The following SCLY variants were observed in gnomAD, a reference collection of about 807,000 sequenced individuals.
SCLY encodes putative selenocysteine lyase.
SCLY carries 38 observed loss-of-function variants against 50.1 expected under a neutral mutation model. That is an observed-to-expected ratio of 0.76 (90% CI 0.59 to 0.99). The LOEUF (loss-of-function observed/expected upper bound fraction) is 0.99. SCLY is among the 50% of genes least tolerant of loss of function. SCLY has a pLI of 0.00. For missense variants in SCLY, 600 were observed against 620.0 expected, an observed-to-expected ratio of 0.97 and a Z score of 0.34; for synonymous variants, 243 against 249.4, an observed-to-expected ratio of 0.97 and a Z score of 0.24.
Position 238,067,413 on chromosome 2 carries a change from T to G in SCLY, c.203-652T>G, listed in dbSNP as rs2065080728. On this transcript the variant is annotated intron_variant, in intron 2 of 11. Transcript: ENST00000254663. This position sits in a 1 kb window ranked among gnomAD's most constrained non-coding sequence, Gnocchi z 4.3. ...CAAAAAAGTTTGGGGACTCCTGGTG[T>G]GTACACTAAGAATGGTCACTGAAAC... Among the ~76,000 whole-genome samples the G allele has an allele frequency of 6.6e-6, 1 of 152,268 alleles. No individual in the cohort carries two copies. The highest frequency in any genetic ancestry group is 2.4e-5 in the African/African-American group (1 of 41,482).
At chr2:238,065,821 C>T (rs930802065) in intron 2 of SCLY, among the ~76,000 whole-genome samples, 3 of 151,936 alleles carry the variant, frequency 2.0e-5, no homozygotes, top group African/African-American at 2.4e-5. Context: ...ACTAGAGGCA[C>T]GCGCCACCAT....
intron 4 of SCLY, among the ~76,000 whole-genome samples, chr2:238,074,749 G>A (rs962644035): frequency 6.6e-6 from 1 of 152,208 alleles, no homozygotes; most frequent in African/African-American, 2.4e-5. Flanking sequence ...CTCTCAAAGT[G>A]CTGGGATTAT....
At chr2:238,082,286 C>A in intron 6 of SCLY, 77 bp downstream of exon 6, 1 of 1,401,044 alleles carries the variant, frequency 7.1e-7, no homozygotes, top group Non-Finnish European at 9.7e-7. Context: ...GGTCCGTAAG[C>A]CTCACTGCCC....
chr2:238,098,415 C>T lies in SCLY; in HGVS notation c.*60C>T, dbSNP rs1233975099. 20 of 1,479,722 alleles carry T rather than the reference C, an allele frequency of 1.4e-5. No homozygotes were observed. The highest frequency in any genetic ancestry group is 2.0e-5 in the Admixed American group (1 of 49,112). 91.7% of individuals were successfully genotyped at this position (1,479,722 alleles called of 1,614,324 possible). A position where few individuals can be genotyped will look rare whatever the true frequency, so the allele number is the denominator to read the frequency against. ...AGCCCGTGGCAGGGCACAGGGTTGT[C>T]CCTCCAGTTCCCTCCTGAGGGCTGT... On this transcript the variant is annotated 3_prime_UTR_variant, in exon 12 of 12. Transcript: ENST00000254663.
chr2:238,090,597 C>T (rs1040059946), intron 7 of SCLY, among the ~76,000 whole-genome samples: 1 of 152,176 alleles, frequency 6.6e-6, no homozygotes, highest in African/African-American at 2.4e-5. Flanking sequence ...TCGAGATCCA[C>T]TGCACTCCAG....
In SCLY at chr2:238,076,391, C is replaced by T. The variant is rs879835657; in HGVS notation, c.485-5318C>T. On this transcript the variant is annotated intron_variant, in intron 4 of 11. Transcript: ENST00000254663. The stretch of plus-strand genomic sequence containing the variant: ...ACAGGTGTGAGCCACCACACCCAGA[C>T]GTTTTTTCTTTTTTAATGTAGGCAT... Among the ~76,000 whole-genome samples the T allele has an allele frequency of 2.4e-4, 37 of 152,160 alleles. 1 individual carries two copies. Among genetic ancestry groups the T allele is most frequent in the Admixed American group, 2.4e-3 (36 of 15,274 alleles).
chr2:238,091,521 A>T, intron 8 of SCLY: 9 of 437,074 alleles, frequency 2.1e-5, no homozygotes, highest in South Asian at 5.5e-5. Flanking sequence ...CTGTTACAGC[A>T]GAGGTGAAGT....
At position 238,084,714 on chromosome 2, in the gene SCLY, G is replaced by A. The variant is rs567777220; in HGVS notation, c.884+1360G>A. On this transcript the variant is annotated intron_variant, in intron 7 of 11. Coordinates refer to ENST00000254663, the MANE Select transcript of SCLY (RefSeq NM_016510.7). Reference sequence around the variant, plus strand: ...TCGAGACCATCCTGGCTAATATGGTGAAACCCCATCTCTACTAAAAGTACG... The same window carrying A: ...TCGAGACCATCCTGGCTAATATGGTAAAACCCCATCTCTACTAAAAGTACG... 7.4e-5 allele frequency among the ~76,000 whole-genome samples: 11 copies of A among 149,286 alleles called. No homozygotes were observed. In the South Asian group the frequency reaches 8.5e-4, roughly 12 times the overall value.
At position 238,098,640 on chromosome 2, in the gene SCLY, C is replaced by T. The variant is rs62196009; in HGVS notation, c.*285C>T. The stretch of plus-strand genomic sequence containing the variant: ...ACATGGGACCGCCCACATGGGACCG[C>T]CCACATGGGACCGCCCACATAGAAC... On this transcript the variant is annotated 3_prime_UTR_variant, in exon 12 of 12. Coordinates refer to ENST00000254663, the MANE Select transcript of SCLY (RefSeq NM_016510.7). 2,848 of 350,018 alleles carry T rather than the reference C, an allele frequency of 8.1e-3. 137 individuals are homozygous for T. The highest frequency in any genetic ancestry group is 0.01 in the Non-Finnish European group (2,005 of 198,484). 21.7% of individuals were successfully genotyped at this position (350,018 alleles called of 1,614,324 possible).
At position 238,094,445 on chromosome 2, in the gene SCLY, A is replaced by T. The variant is rs1212315656; in HGVS notation, c.1031A>T (p.His344Leu). ...GCTGAATTCGGTCAGAAGAGAATCC[A>T]TCTGAATAGCCAGTTTCCAGGCACC... ...LEAEFGQKRIHLNSQFPGTQR... is the reference protein window; with the variant it reads ...LEAEFGQKRILLNSQFPGTQR... Residue 344 changes from histidine to leucine, a missense_variant, in exon 10 of 12, where the codon CAT becomes CTT. Physicochemically the swap from His to Leu is moderately conservative, Grantham distance 99 (BLOSUM62 -3). Coordinates refer to ENST00000254663, the MANE Select transcript of SCLY (RefSeq NM_016510.7). 2 of 1,613,960 alleles carry T rather than the reference A, an allele frequency of 1.2e-6. No homozygotes were observed. The highest frequency in any genetic ancestry group is 4.5e-5 in the East Asian group (2 of 44,896).
chr2:238,096,780 G>A (rs2065441093), intron 10 of SCLY, 21 bp from the exon 11 acceptor site: 2 of 1,600,132 alleles, frequency 1.2e-6, no homozygotes, highest in Non-Finnish European at 8.5e-7. Flanking sequence ...CATCTCAGGG[G>A]CATGTGCTCT....
Position 238,066,699 on chromosome 2 carries a change from C to T in SCLY, c.203-1366C>T, listed in dbSNP as rs761608956. ...GGGGAATGAAAAGGGAAAGAGCCCA[C>T]GCTTTTGCCCTGGGCTGCTGAGGGA... On this transcript the variant is annotated intron_variant, in intron 2 of 11. Coordinates refer to ENST00000254663, the MANE Select transcript of SCLY (RefSeq NM_016510.7). This position sits in a 1 kb window ranked among gnomAD's most constrained non-coding sequence, Gnocchi z 4.1. Among the ~76,000 whole-genome samples the T allele has an allele frequency of 2.6e-5, 4 of 152,038 alleles. No homozygotes were observed. The highest frequency in any genetic ancestry group is 1.9e-4 in the East Asian group (1 of 5,180).
In SCLY at chr2:238,066,199, T is replaced by C. The variant is rs751889458; in HGVS notation, c.202+1730T>C. On this transcript the variant is annotated intron_variant, in intron 2 of 11. Coordinates refer to ENST00000254663, the MANE Select transcript of SCLY (RefSeq NM_016510.7). This position sits in a 1 kb window ranked among gnomAD's most constrained non-coding sequence, Gnocchi z 4.1. ...CACTGTTGTGCATGTGGAAGTCTCT[T>C]TACTGCCTGTTGCTGGAAGATAGCT... Among the ~76,000 whole-genome samples, 1 of 152,232 alleles carries C rather than the reference T, an allele frequency of 6.6e-6. No homozygotes were observed. The highest frequency in any genetic ancestry group is 2.4e-5 in the African/African-American group (1 of 41,456).
At chr2:238,091,552 TTCCCA>T in intron 8 of SCLY, 27 of 308,642 alleles carry the variant, frequency 8.7e-5, no homozygotes, top group South Asian at 2.9e-4. Context: ...AGGTTCACCA[TTCCCA>T]AAGGCGTCGG....
intron 4 of SCLY, chr2:238,079,068 C>CTTTTTTTTTTTTTTTTTTTTTTTTTT (rs59238768): frequency 1.3e-4 from 12 of 93,184 alleles, no homozygotes; most frequent in Non-Finnish European, 2.0e-4. Context: ...CTTTCTTTTT[C>CTTTTTTTTTTTTTTTTTTTTTTTTTT]TTTTTTTTTT....
At chr2:238,068,888 G>A (rs2065101201) in intron 3 of SCLY, among the ~76,000 whole-genome samples, 1 of 152,150 alleles carries the variant, frequency 6.6e-6, no homozygotes, top group African/African-American at 2.4e-5. Flanking sequence ...CTGGGTCACG[G>A]GGCTCATTTG....
At position 238,082,046 on chromosome 2, in the gene SCLY, C is replaced by T. The variant is rs147560427; in HGVS notation, c.614C>T (p.Pro205Leu). 2.5e-6 allele frequency: 4 copies of T among 1,612,002 alleles called. No homozygotes were observed. Among genetic ancestry groups the T allele is most frequent in the Non-Finnish European group, 3.4e-6 (4 of 1,178,222 alleles). ...TCAACTGTTTCCTTTCCCCGTCAGC[C>T]TGTCCCTGAAATCAGTCAGCGCATT... is the stretch of plus-strand genomic sequence containing the variant. ...LANNETGIVM[P>L]VPEISQRIKA... The change falls in exon 6 of 12, where the codon CCT (proline) becomes CTT (leucine). Residue 205 changes from proline to leucine, a missense_variant and splice_region_variant. Coordinates refer to ENST00000254663, the MANE Select transcript of SCLY (RefSeq NM_016510.7).
At position 238,094,500 on chromosome 2, in the gene SCLY, C is replaced by T. The variant is rs773191642; in HGVS notation, c.1086C>T (p.Ser362=). The T allele has an allele frequency of 7.4e-6, 12 of 1,614,056 alleles. No individual in the cohort carries two copies. Among genetic ancestry groups the T allele is most frequent in the African/African-American group, 2.7e-5 (2 of 74,936 alleles). The change falls in exon 10 of 12, where the codon TCC becomes TCT. Residue 362 remains serine, a synonymous_variant. Coordinates refer to ENST00000254663, the MANE Select transcript of SCLY (RefSeq NM_016510.7). ...TQRLPNTCNF[S]IRGPRLQGHV... ...GGCTTCCCAATACCTGTAACTTTTC[C>T]ATCCGGGGACCCCGGCTTCAAGGTG...
At chr2:238,070,051 A>G (rs2065112358) in intron 4 of SCLY, among the ~76,000 whole-genome samples, 1 of 152,202 alleles carries the variant, frequency 6.6e-6, no homozygotes, top group African/African-American at 2.4e-5. Context: ...GGTGGTGCCC[A>G]AGTGCGGCAG....
Sources: gnomAD v4.1 joint callset for allele counts (sites outside exome capture counted in the v4.1 genomes callset) on GRCh38, gnomAD v4.1.1 for gene constraint, Gnocchi (gnomAD v3.1) non-coding constraint, MANE v1.5 for transcripts, NCBI Gene and HGNC (gene_info 2026-07-23, HGNC 2026-07-21) for gene names.